The following GPR89A variants were observed in gnomAD, a reference collection of about 807,000 sequenced individuals.
GPR89A encodes G protein-coupled receptor 89A.
A neutral mutation model predicts 52.0 loss-of-function variants in GPR89A; 16 were observed. The ratio of observed to expected loss-of-function variants is 0.31; its 90% confidence interval spans 0.21 to 0.47. The LOEUF (loss-of-function observed/expected upper bound fraction) is 0.47. Among genes scored for constraint, GPR89A ranks in the 20% least tolerant of loss-of-function variants. The pLI, the probability that GPR89A is intolerant of heterozygous loss-of-function variation, is 1.00. For synonymous variants in GPR89A, 55 were observed against 150.9 expected, an observed-to-expected ratio of 0.36 and a Z score of 4.66; for missense variants, 135 against 449.4, an observed-to-expected ratio of 0.30 and a Z score of 6.33.
intron 7 of GPR89A, among the ~76,000 whole-genome samples, chr1:145,637,277 G>GA (rs782649654): frequency 6.0e-4 from 90 of 149,058 alleles, no homozygotes; most frequent in Admixed American, 4.0e-4. Flanking sequence ...ATTTAGGAGA[G>GA]ATCCCTAGAA....
chr1:145,626,982 T>C (rs1425323555), intron 5 of GPR89A, among the ~76,000 whole-genome samples: 6 of 150,746 alleles, frequency 4.0e-5, no homozygotes, highest in Non-Finnish European at 7.4e-5. Context: ...CCAATCCTTA[T>C]GTAAAATGAA....
At chr1:145,655,399 A>C (rs1651745105) in intron 10 of GPR89A, among the ~76,000 whole-genome samples, 1 of 150,536 alleles carries the variant, frequency 6.6e-6, no homozygotes, top group African/African-American at 2.4e-5. Context: ...TTGAGTTGTC[A>C]CCGTTTTTGT....
At position 145,616,230 on chromosome 1, in the gene GPR89A, C is replaced by T. The variant is rs782651081; in HGVS notation, c.43-4C>T. Reference sequence around the variant, plus strand: ...ATTGACATTCTATTTTCTTTCTCCTCCAGATACTATTTTTTGGATTTGGGT... The same window carrying T: ...ATTGACATTCTATTTTCTTTCTCCTTCAGATACTATTTTTTGGATTTGGGT... On this transcript the variant is annotated splice_region_variant and splice_polypyrimidine_tract_variant and intron_variant, in intron 1 of 13. Transcript: ENST00000313835. 3.7e-6 allele frequency: 6 copies of T among 1,609,212 alleles called. No individual in the cohort carries two copies. Among genetic ancestry groups the T allele is most frequent in the Non-Finnish European group, 5.1e-6 (6 of 1,176,866 alleles).
At chr1:145,649,318 C>G (rs1255868253) in intron 10 of GPR89A, among the ~76,000 whole-genome samples, 4 of 152,108 alleles carry the variant, frequency 2.6e-5, no homozygotes, top group Non-Finnish European at 5.9e-5. Context: ...CCTCTAGTCC[C>G]CAGACGACTG....
At chr1:145,610,989 C>T (rs1347618310) in intron 1 of GPR89A, among the ~76,000 whole-genome samples, 1 of 151,976 alleles carries the variant, frequency 6.6e-6, no homozygotes, top group East Asian at 1.9e-4. Context: ...AAGGTCAAGA[C>T]TCTGTACAAT....
At chr1:145,667,047 C>T (rs1309196265) in intron 12 of GPR89A, among the ~76,000 whole-genome samples, 12 of 152,018 alleles carry the variant, frequency 7.9e-5, no homozygotes, top group South Asian at 2.1e-4. Context: ...AATAAACATA[C>T]GTGTGCATGT....
At chr1:145,647,816 CGT>C (rs1651119534) in intron 10 of GPR89A, among the ~76,000 whole-genome samples, 2 of 32,876 alleles carry the variant, frequency 6.1e-5, no homozygotes, top group Non-Finnish European at 1.0e-4. Context: ...TCTCTCTCTT[CGT>C]CGTCGTCGAC....
intron 7 of GPR89A, among the ~76,000 whole-genome samples, chr1:145,632,427 A>G (rs1487118605): frequency 6.6e-6 from 1 of 152,004 alleles, no homozygotes; most frequent in Non-Finnish European, 1.5e-5. Context: ...AGCCTCTGGT[A>G]ACCATCATTC....
chr1:145,619,319 AG>A (rs1648944513), intron 3 of GPR89A, among the ~76,000 whole-genome samples: 29 of 1,290 alleles, frequency 0.022, no homozygotes, highest in Admixed American at 0.11. Context: ...AAAAAAAAGA[AG>A]AGAGAGGGGC....
intron 10 of GPR89A, among the ~76,000 whole-genome samples, chr1:145,648,419 A>G (rs1338280575): frequency 4.6e-5 from 7 of 151,722 alleles, no homozygotes; most frequent in Non-Finnish European, 8.8e-5. Flanking sequence ...ATGAATGAAG[A>G]TAGTATGTTC....
chr1:145,657,850 C>T (rs1439078435), intron 10 of GPR89A, among the ~76,000 whole-genome samples: 2 of 148,498 alleles, frequency 1.3e-5, no homozygotes, highest in Admixed American at 6.7e-5. Context: ...TTTCATGTAA[C>T]AGGTTTATTG....
At chr1:145,625,944 G>C (rs1385516714) in intron 5 of GPR89A, among the ~76,000 whole-genome samples, 1 of 150,644 alleles carries the variant, frequency 6.6e-6, no homozygotes, top group Non-Finnish European at 1.5e-5. Flanking sequence ...CACATAACAA[G>C]TGTTTAATAC....
At chr1:145,635,190 A>ATGT (rs1650140226) in intron 7 of GPR89A, among the ~76,000 whole-genome samples, 1 of 152,170 alleles carries the variant, frequency 6.6e-6, no homozygotes, top group Non-Finnish European at 1.5e-5. Context: ...GCAGATCACA[A>ATGT]GGTCAGGAGA....
intron 1 of GPR89A, among the ~76,000 whole-genome samples, chr1:145,613,472 G>A (rs1474577120): frequency 2.6e-5 from 4 of 151,922 alleles, no homozygotes; most frequent in Non-Finnish European, 5.9e-5. Context: ...CCACCATACC[G>A]CTCTATATAA....
Position 145,608,171 on chromosome 1 carries a change from C to A in GPR89A, c.38C>A (p.Ser13Tyr). The change falls in exon 1 of 14, where the codon TCC (serine) becomes TAC (tyrosine). Residue 13 changes from serine (S) to tyrosine (Y), a missense_variant. Physicochemically the swap from Ser to Tyr is moderately radical, Grantham distance 144 (BLOSUM62 -2). Around this residue, in one of 10 missense-constraint regions of GPR89A, gnomAD observed 38 missense variants for 40.2 expected, o/e 0.95. Transcript: ENST00000313835. ...FLIDSSIMIT[S>Y]QILFFGFGWL... Reference sequence around the variant, plus strand: ...ATCGACTCCAGCATCATGATTACCTCCCAGGTGAGTCACCGCCTCCCGCCC... The same window carrying A: ...ATCGACTCCAGCATCATGATTACCTACCAGGTGAGTCACCGCCTCCCGCCC... The A allele has an allele frequency of 6.2e-7, 1 of 1,613,846 alleles. No individual in the cohort carries two copies. Among genetic ancestry groups the A allele is most frequent in the South Asian group, 1.1e-5 (1 of 91,072 alleles).
intron 1 of GPR89A, among the ~76,000 whole-genome samples, chr1:145,615,769 G>A (rs1172696501): frequency 1.3e-5 from 2 of 150,802 alleles, no homozygotes; most frequent in Non-Finnish European, 2.9e-5. Flanking sequence ...GGGAATACAG[G>A]TGCCCACACC....
chr1:145,624,553 A>G (rs1649363570), intron 5 of GPR89A, among the ~76,000 whole-genome samples: 2 of 151,478 alleles, frequency 1.3e-5, no homozygotes, highest in Admixed American at 1.3e-4. Flanking sequence ...ATCCTGCCGT[A>G]CCTATTACTA....
At chr1:145,642,801 T>C (rs1444364336) in intron 7 of GPR89A, among the ~76,000 whole-genome samples, 2 of 151,328 alleles carry the variant, frequency 1.3e-5, no homozygotes, top group African/African-American at 4.9e-5. Flanking sequence ...CTTGGCCCAT[T>C]AAACCCTTTA....
At position 145,647,274 on chromosome 1, in the gene GPR89A, A is replaced by G. The variant is rs782745492; in HGVS notation, c.909+7A>G. ...TGTTTGGAAAATTTTCATGGTAAGT[A>G]TGTTATTTTTAATTATCAGAGTTTA... On this transcript the variant is annotated splice_region_variant and intron_variant, in intron 10 of 13. Coordinates refer to ENST00000313835, the MANE Select transcript of GPR89A (RefSeq NM_001097612.2). 26 of 1,558,830 alleles carry G rather than the reference A, an allele frequency of 1.7e-5. No individual in the cohort carries two copies. In the South Asian group the frequency reaches 3.1e-4, roughly 18 times the overall value.
Sources: allele counts gnomAD v4.1 joint callset (sites outside exome capture counted in the v4.1 genomes callset), GRCh38; gene constraint gnomAD v4.1.1; regional missense constraint gnomAD v4.1.1; transcripts MANE v1.5; gene names NCBI Gene and HGNC (gene_info 2026-07-23, HGNC 2026-07-21).